Variants in GALNTL6 observed in about 807,000 individuals in gnomAD.
The protein encoded by GALNTL6 is polypeptide N-acetylgalactosaminyltransferase like 6, also known as polypeptide N-acetylgalactosaminyltransferase-like 6.
Under a neutral mutation model 73.7 loss-of-function variants are expected in GALNTL6, and 46 were observed. The ratio of observed to expected loss-of-function variants is 0.62; its 90% confidence interval spans 0.49 to 0.80. The LOEUF is 0.80. Among genes scored for constraint, GALNTL6 ranks in the 30% least tolerant of loss-of-function variants. GALNTL6 has a pLI of 0.00. For missense variants in GALNTL6, 604 were observed against 755.0 expected, an observed-to-expected ratio of 0.80 and a Z score of 2.34; for synonymous variants, 259 against 263.7, an observed-to-expected ratio of 0.98 and a Z score of 0.17.
intron 3 of GALNTL6, among the ~76,000 whole-genome samples, chr4:172,287,151 C>A (rs1739287200): frequency 6.6e-6 from 1 of 152,212 alleles, no homozygotes; most frequent in South Asian, 2.1e-4. Context: ...GATGATGATG[C>A]TTGGAAAACA....
chr4:172,555,211 A>C (rs1392317608), intron 5 of GALNTL6, among the ~76,000 whole-genome samples: 1 of 152,182 alleles, frequency 6.6e-6, no homozygotes, highest in East Asian at 1.9e-4. Flanking sequence ...TTAAATAATG[A>C]AATATTGTAG....
intron 2 of GALNTL6, among the ~76,000 whole-genome samples, chr4:171,962,432 A>G (rs1739247401): frequency 6.6e-6 from 1 of 152,184 alleles, no homozygotes; most frequent in Admixed American, 6.5e-5. Flanking sequence ...CCAGATGGCA[A>G]TGAAAGTGAC....
At chr4:172,051,717 C>A (rs1405988281) in intron 2 of GALNTL6, among the ~76,000 whole-genome samples, 2 of 152,134 alleles carry the variant, frequency 1.3e-5, no homozygotes, top group Non-Finnish European at 2.9e-5. Context: ...GCATGGCGGG[C>A]CAAAAGGCAA....
intron 2 of GALNTL6, among the ~76,000 whole-genome samples, chr4:172,219,116 T>A (rs1231328269): frequency 8.2e-6 from 1 of 121,506 alleles, no homozygotes; most frequent in Non-Finnish European, 1.8e-5. Context: ...GATAAATATA[T>A]GTTAAAAAAA....
At chr4:172,334,143 G>A (rs1741230327) in intron 4 of GALNTL6, among the ~76,000 whole-genome samples, 1 of 151,482 alleles carries the variant, frequency 6.6e-6, no homozygotes. Context: ...ACTCTACTTT[G>A]GTTACTATAG....
chr4:172,791,153 C>A (rs1739975025), intron 5 of GALNTL6, among the ~76,000 whole-genome samples: 1 of 151,968 alleles, frequency 6.6e-6, no homozygotes, highest in Non-Finnish European at 1.5e-5. Context: ...AGAAGGAAGT[C>A]GATGATAGAA....
chr4:172,939,131 GT>G (rs921958067), intron 9 of GALNTL6, among the ~76,000 whole-genome samples: 1,752 of 147,170 alleles, frequency 0.012, 29 homozygotes, highest in African/African-American at 0.041. Context: ...CTTTAAAAAA[GT>G]TTTTTTTTTT....
chr4:172,051,896 G>C (rs1241746134), intron 2 of GALNTL6, among the ~76,000 whole-genome samples: 1 of 152,098 alleles, frequency 6.6e-6, no homozygotes, highest in Non-Finnish European at 1.5e-5. Context: ...GCAAATAAAG[G>C]CTTTGGGCCA....
chr4:172,456,695 G>A (rs1444354607), intron 5 of GALNTL6, among the ~76,000 whole-genome samples: 3 of 151,460 alleles, frequency 2.0e-5, no homozygotes, highest in Non-Finnish European at 4.4e-5. Flanking sequence ...AGAAATATGG[G>A]ACTATGTGAA....
intron 7 of GALNTL6, among the ~76,000 whole-genome samples, chr4:172,841,641 G>C: frequency 6.6e-6 from 1 of 152,170 alleles, no homozygotes; most frequent in East Asian, 1.9e-4. Context: ...GAGAGAGAGA[G>C]TGTGTGAGTG....
At position 172,156,540 on chromosome 4, in the gene GALNTL6, A is replaced by AGTATATATGTATATATATATACT. The variant is rs58197299; in HGVS notation, c.139-73116_139-73115insGTATATATGTATATATATATACT. Among the ~76,000 whole-genome samples, 85 of 125,164 alleles carry AGTATATATGTATATATATATACT rather than the reference A, an allele frequency of 6.8e-4. 4 individuals carry two copies. Among genetic ancestry groups the AGTATATATGTATATATATATACT allele is most frequent in the African/African-American group, 2.4e-3 (70 of 29,260 alleles). The allele number at this position is 125,164 out of a possible 152,430, so 82.1% of individuals were successfully genotyped here. A position where few individuals can be genotyped will look rare whatever the true frequency, so the allele number is the denominator to read the frequency against. On this transcript the variant is annotated intron_variant, in intron 2 of 12. Coordinates refer to ENST00000506823, the MANE Select transcript of GALNTL6 (RefSeq NM_001034845.3). The stretch of plus-strand genomic sequence containing the variant: ...TGACTTTAAATATACATATATATAT[A>AGTATATATGTATATATATATACT]ATATATATATATATATATATATATA...
rs561598089 is a variant in GALNTL6, at chr4:172,375,857, GT to G, written c.553+27169del. 1.4e-4 allele frequency among the ~76,000 whole-genome samples: 22 copies of G among 152,274 alleles called. No homozygotes were observed. The East Asian group carries it at 4.2e-3, about 29-fold the overall frequency. ...TAGAGTCCTAGGCATTCACCTGTTA[GT>G]ATTGGGACTTTACCCGTGTCCTATA... On this transcript the variant is annotated intron_variant, in intron 5 of 12. Coordinates refer to ENST00000506823, the MANE Select transcript of GALNTL6 (RefSeq NM_001034845.3).
At chr4:172,765,495 C>G (rs1005880280) in intron 5 of GALNTL6, among the ~76,000 whole-genome samples, 2 of 151,820 alleles carry the variant, frequency 1.3e-5, no homozygotes, top group Non-Finnish European at 2.9e-5. Flanking sequence ...GAACACAGAG[C>G]TGGATATTCT....
chr4:172,622,491 G>C (rs1739002066), intron 5 of GALNTL6, among the ~76,000 whole-genome samples: 1 of 152,150 alleles, frequency 6.6e-6, no homozygotes, highest in Admixed American at 6.5e-5. Flanking sequence ...TTACGCTAAA[G>C]AAAAATTATG....
intron 8 of GALNTL6, among the ~76,000 whole-genome samples, chr4:172,907,727 C>A (rs1041674481): frequency 6.6e-6 from 1 of 152,226 alleles, no homozygotes; most frequent in Admixed American, 6.5e-5. Flanking sequence ...AAGCACTTAA[C>A]ATGCACTGTA....
At chr4:172,678,658 A>G (rs1400851720) in intron 5 of GALNTL6, among the ~76,000 whole-genome samples, 3 of 152,212 alleles carry the variant, frequency 2.0e-5, no homozygotes, top group Non-Finnish European at 2.9e-5. Context: ...AGCAGCCATT[A>G]GCATAAATAA....
At chr4:172,682,270 A>G (rs1157214092) in intron 5 of GALNTL6, among the ~76,000 whole-genome samples, 1 of 150,100 alleles carries the variant, frequency 6.7e-6, no homozygotes, top group Non-Finnish European at 1.5e-5. Context: ...GATCATTTTA[A>G]CACAGTTTAC....
chr4:172,126,727 C>T (rs565927018), intron 2 of GALNTL6, among the ~76,000 whole-genome samples: 3 of 152,182 alleles, frequency 2.0e-5, no homozygotes, highest in African/African-American at 4.8e-5. Flanking sequence ...GGAGCTCACA[C>T]TGGGTTTCAC....
At chr4:172,489,399 G>A (rs548389044) in intron 5 of GALNTL6, among the ~76,000 whole-genome samples, 1 of 152,256 alleles carries the variant, frequency 6.6e-6, no homozygotes, top group South Asian at 2.1e-4. Flanking sequence ...ATTGAAATTA[G>A]TTCTAAATTG....
Sources: gnomAD v4.1 joint callset for allele counts (sites outside exome capture counted in the v4.1 genomes callset) on GRCh38, gnomAD v4.1.1 for gene constraint, MANE v1.5 for transcripts, NCBI Gene and HGNC (gene_info 2026-07-23, HGNC 2026-07-21) for gene names.